Variants in SORBS2 observed in about 807,000 individuals in gnomAD.
SORBS2 encodes sorbin and SH3 domain containing 2.
A neutral mutation model predicts 97.7 loss-of-function variants in SORBS2; 46 were observed. That is an observed-to-expected ratio of 0.47 (90% CI 0.37 to 0.60). The LOEUF is 0.60. Among genes scored for constraint, SORBS2 ranks in the 20% least tolerant of loss-of-function variants. The pLI is 0.00. For synonymous variants in SORBS2, 476 were observed against 473.4 expected (o/e 1.01, Z -0.07); for missense variants, 1,316 against 1,282.3 (o/e 1.03, Z -0.40).
At chr4:185,836,829 G>A (rs759033043) in intron 1 of SORBS2, among the ~76,000 whole-genome samples, 4 of 152,160 alleles carry the variant, frequency 2.6e-5, no homozygotes, top group Non-Finnish European at 5.9e-5. Context: ...GAAATTATGC[G>A]AGAACTTGGA....
chr4:185,793,150 G>A (rs1403535438), intron 1 of SORBS2, among the ~76,000 whole-genome samples: 1 of 152,208 alleles, frequency 6.6e-6, no homozygotes, highest in African/African-American at 2.4e-5. Flanking sequence ...ACCATGTGAT[G>A]TGAAGACTCA....
At chr4:185,797,766 GC>G (rs1199125073) in intron 1 of SORBS2, among the ~76,000 whole-genome samples, 68 of 152,078 alleles carry the variant, frequency 4.5e-4, no homozygotes, top group African/African-American at 1.5e-3. Context: ...GCTCTTCCAT[GC>G]CCCCACACCA....
rs780266192 is a variant in SORBS2 at position 185,623,755 on chromosome 4, C to A, written c.1374G>T (p.Leu458Phe). The A allele has an allele frequency of 2.5e-6, 4 of 1,614,162 alleles. No homozygotes were observed. The highest frequency in any genetic ancestry group is 1.7e-5 in the Admixed American group (1 of 60,020). ...GGCCGCTTTGATTTTCTTCCTCCAG[C>A]AAATACTCAATGGAAAACCGCCTCT... The change falls in exon 7 of 15, where the codon TTG (leucine) becomes TTT (phenylalanine). Residue 458 changes from leucine to phenylalanine, a missense_variant. Transcript: ENST00000418609. The surrounding 1 kb of genome is among the most constrained non-coding windows in gnomAD (Gnocchi z 6.4).
At chr4:185,906,578 T>A (rs2099250976) in intron 1 of SORBS2, among the ~76,000 whole-genome samples, 1 of 152,222 alleles carries the variant, frequency 6.6e-6, no homozygotes, top group South Asian at 2.1e-4. Flanking sequence ...GTAAATTTAC[T>A]ATTCATAAAC....
Position 185,706,587 on chromosome 4 carries a change from T to C in SORBS2, c.-197-27765A>G, listed in dbSNP as rs76797614. On this transcript the variant is annotated intron_variant, in intron 2 of 20. Coordinates refer to the SORBS2 transcript ENST00000284776. ...CACACCAACCATCTAAAGCCAAAGA[T>C]AGACCTTCGTAAGGACCTGTGTCTA... is the stretch of plus-strand genomic sequence containing the variant. Among the ~76,000 whole-genome samples the C allele has an allele frequency of 1.2e-4, 18 of 152,306 alleles. No homozygotes were observed. In the East Asian group the frequency reaches 3.3e-3, roughly 28 times the overall value.
At chr4:185,721,369 C>T (rs1025570159) in intron 2 of SORBS2, among the ~76,000 whole-genome samples, 4 of 152,274 alleles carry the variant, frequency 2.6e-5, no homozygotes, top group African/African-American at 9.6e-5. Flanking sequence ...GCCAGCATAC[C>T]CGGTCCCCAC....
At chr4:185,808,492 T>TA (rs1307029410) in intron 1 of SORBS2, among the ~76,000 whole-genome samples, 1 of 152,158 alleles carries the variant, frequency 6.6e-6, no homozygotes, top group South Asian at 2.1e-4. Flanking sequence ...CAGGCTTATT[T>TA]AAAAAATACT....
intron 1 of SORBS2, among the ~76,000 whole-genome samples, chr4:185,803,463 T>C (rs1047247511): frequency 1.3e-5 from 2 of 152,176 alleles, no homozygotes; most frequent in African/African-American, 4.8e-5. Context: ...TAACCGTCAA[T>C]ATAAAGCACT....
At chr4:185,680,216 C>T (rs1337311481) in intron 2 of SORBS2, among the ~76,000 whole-genome samples, 2 of 151,996 alleles carry the variant, frequency 1.3e-5, no homozygotes, top group African/African-American at 2.4e-5. Flanking sequence ...GCTATTTTGT[C>T]CAGGCTGTCC....
chr4:185,670,938 T>C (rs1343165755), intron 4 of SORBS2, among the ~76,000 whole-genome samples: 2 of 152,112 alleles, frequency 1.3e-5, no homozygotes, highest in Non-Finnish European at 2.9e-5. Flanking sequence ...CAGGTAGCTG[T>C]CGGGTACCCA....
At position 185,923,805 on chromosome 4, in the gene SORBS2, C is replaced by T. The variant is rs371343693; in HGVS notation, c.-338+32391G>A. 7.2e-5 allele frequency among the ~76,000 whole-genome samples: 11 copies of T among 152,058 alleles called. No individual in the cohort carries two copies. The East Asian group carries it at 7.7e-4, about 11-fold the overall frequency. On this transcript the variant is annotated intron_variant, in intron 1 of 20. Transcript: ENST00000284776. ...AGTATCAGGGTTCTAACATTAACTT[C>T]TTACATTTAAAAAAAAATTCTGAAA...
At chr4:185,695,808 T>C (rs1490539534) in intron 2 of SORBS2, among the ~76,000 whole-genome samples, 1 of 152,238 alleles carries the variant, frequency 6.6e-6, no homozygotes, top group Non-Finnish European at 1.5e-5. Flanking sequence ...AACATGCTGC[T>C]TTGAAATAGT....
chr4:185,847,652 C>T (rs550288846), intron 1 of SORBS2, among the ~76,000 whole-genome samples: 29 of 152,172 alleles, frequency 1.9e-4, no homozygotes, highest in South Asian at 6.2e-4. Flanking sequence ...CTGCTGTAGA[C>T]GGCAGCAACG....
chr4:185,759,044 G>A (rs2098847535), intron 2 of SORBS2, among the ~76,000 whole-genome samples: 1 of 152,200 alleles, frequency 6.6e-6, no homozygotes, highest in African/African-American at 2.4e-5. Flanking sequence ...TTTTTACCAA[G>A]GTTGTTCACT....
At chr4:185,657,307 G>T, upstream of SORBS2, 1 of 900,898 alleles carries the variant, frequency 1.1e-6, no homozygotes, top group Non-Finnish European at 1.6e-6. Context: ...AAGTCGGATG[G>T]CACGGAGGGC....
intron 4 of SORBS2, among the ~76,000 whole-genome samples, chr4:185,673,613 A>G (rs2097753378): frequency 2.6e-5 from 4 of 152,216 alleles, no homozygotes; most frequent in Non-Finnish European, 5.9e-5. Flanking sequence ...TGCCTTACTC[A>G]AACCTCCCAG....
At chr4:185,624,772 T>A (rs778160059) in intron 6 of SORBS2, among the ~76,000 whole-genome samples, 4 of 152,240 alleles carry the variant, frequency 2.6e-5, no homozygotes, top group Non-Finnish European at 5.9e-5. Context: ...CAAATACACC[T>A]ACTCCTACTG....
At chr4:185,917,701 C>T (rs1020248919) in intron 1 of SORBS2, among the ~76,000 whole-genome samples, 2 of 152,250 alleles carry the variant, frequency 1.3e-5, no homozygotes, top group East Asian at 1.9e-4. Flanking sequence ...TGGGGAGAGG[C>T]AGACTTGGGA....
In SORBS2 at chr4:185,930,956, C is replaced by A. The variant is rs573091697; in HGVS notation, c.-338+25240G>T. ...TCTAAAAACTCAATGCATTGATATACCTACCCTATTGAAATGGATAATTTC... is the reference window on the plus strand; with the variant it reads ...TCTAAAAACTCAATGCATTGATATAACTACCCTATTGAAATGGATAATTTC... On this transcript the variant is annotated intron_variant, in intron 1 of 20. Coordinates refer to the SORBS2 transcript ENST00000284776. Among the ~76,000 whole-genome samples, 149 of 152,240 alleles carry A rather than the reference C, an allele frequency of 9.8e-4. 1 individual carries two copies. The highest frequency in any genetic ancestry group is 1.9e-3 in the Non-Finnish European group (126 of 68,030).
Sources: gnomAD v4.1 joint callset for allele counts (sites outside exome capture counted in the v4.1 genomes callset) on GRCh38, gnomAD v4.1.1 for gene constraint, Gnocchi (gnomAD v3.1) non-coding constraint, MANE v1.5 for transcripts, NCBI Gene and HGNC (gene_info 2026-07-23, HGNC 2026-07-21) for gene names.